The following MARCO variants were observed in gnomAD, a reference collection of about 807,000 sequenced individuals.
The protein encoded by MARCO is macrophage receptor MARCO.
MARCO carries 72 observed loss-of-function variants against 70.0 expected under a neutral mutation model. The ratio of observed to expected loss-of-function variants is 1.03; its 90% CI spans 0.85 to 1.25. The LOEUF (loss-of-function observed/expected upper bound fraction) is 1.25, where lower values mean the gene tolerates loss of function less well. Ranked by LOEUF, MARCO falls within the 50% of genes most tolerant of loss-of-function variation. The pLI is 0.00. For synonymous variants in MARCO, 273 were observed against 243.1 expected, an observed-to-expected ratio of 1.12 and a Z score of -1.14; for missense variants, 696 against 659.3, an observed-to-expected ratio of 1.06 and a Z score of -0.61.
intron 4 of MARCO, among the ~76,000 whole-genome samples, chr2:118,973,607 G>A (rs1680216900): frequency 6.6e-6 from 1 of 152,102 alleles, no homozygotes; most frequent in South Asian, 2.1e-4. Context: ...CTTCCCAGAG[G>A]TTCCTTTGTT....
At chr2:118,948,343 G>A (rs1163750788) in intron 1 of MARCO, among the ~76,000 whole-genome samples, 2 of 152,174 alleles carry the variant, frequency 1.3e-5, no homozygotes, top group South Asian at 4.1e-4. Context: ...ACTGATACCC[G>A]ATTTGCTAAT....
rs150961966 is a variant in MARCO at position 118,970,448 on chromosome 2, G to T, written c.424+110G>T. 853 of 817,884 alleles carry T rather than the reference G, an allele frequency of 1.0e-3. 3 individuals carry two copies. In the African/African-American group the frequency reaches 0.013, roughly 12 times the overall value. 50.7% of individuals were successfully genotyped at this position (817,884 alleles called of 1,614,324 possible). On this transcript the variant is annotated intron_variant, in intron 3 of 16. Transcript: ENST00000327097. Reference sequence around the variant, plus strand: ...TGTCCAAGCAAAGTGTGACCTCCAAGAGCCAGGGACTTAGAGCAACCAGCT... The same window carrying T: ...TGTCCAAGCAAAGTGTGACCTCCAATAGCCAGGGACTTAGAGCAACCAGCT...
intron 4 of MARCO, among the ~76,000 whole-genome samples, chr2:118,973,110 GTA>G (rs1364339588): frequency 1.3e-5 from 2 of 151,132 alleles, no homozygotes; most frequent in African/African-American, 2.4e-5. Flanking sequence ...GAATATAGAT[GTA>G]TGTACATAGA....
chr2:118,993,059 G>C, intron 15 of MARCO, 65 bp from the exon 16 acceptor site: 2 of 1,386,434 alleles, frequency 1.4e-6, no homozygotes, highest in Non-Finnish European at 2.0e-6. Context: ...AAAAGAAAGA[G>C]CCCGCACTTA....
At chr2:118,952,197 CA>C (rs1481781357) in intron 1 of MARCO, among the ~76,000 whole-genome samples, 1 of 152,126 alleles carries the variant, frequency 6.6e-6, no homozygotes, top group Non-Finnish European at 1.5e-5. Flanking sequence ...CCCCTCAAAC[CA>C]GGGATGTCTT....
At chr2:118,969,119 G>T in intron 1 of MARCO, 41 bp from the exon 2 acceptor site, 1 of 1,423,610 alleles carries the variant, frequency 7.0e-7, no homozygotes, top group Non-Finnish European at 9.9e-7. Flanking sequence ...CCTGTGCTGT[G>T]TTCTCTGCAG....
Position 118,942,278 on chromosome 2 carries a change from T to G in MARCO, c.-23T>G. On this transcript the variant is annotated 5_prime_UTR_variant, in exon 1 of 17. Transcript: ENST00000327097. ...GAGCATTTCTGCTGGCTCCAGGACT[T>G]TGGCCATCTATAAAGCTTGGCAATG... is the stretch of plus-strand genomic sequence containing the variant. 6.5e-7 allele frequency: 1 copy of G among 1,536,996 alleles called. No individual in the cohort carries two copies. The highest frequency in any genetic ancestry group is 9.0e-7 in the Non-Finnish European group (1 of 1,110,390).
intron 12 of MARCO, among the ~76,000 whole-genome samples, chr2:118,983,366 A>T (rs1482804580): frequency 6.6e-6 from 1 of 152,146 alleles, no homozygotes; most frequent in East Asian, 1.9e-4. Context: ...TAATCAATTG[A>T]TTGATTCATT....
intron 1 of MARCO, among the ~76,000 whole-genome samples, chr2:118,943,321 A>G (rs778186405): frequency 6.6e-6 from 1 of 152,234 alleles, no homozygotes; most frequent in Non-Finnish European, 1.5e-5. Context: ...GCTAATGGCT[A>G]TAATAATCAT....
chr2:118,992,629 C>G (rs1005405660), intron 15 of MARCO, among the ~76,000 whole-genome samples, 153 bp downstream of exon 15: 1 of 151,934 alleles, frequency 6.6e-6, no homozygotes, highest in African/African-American at 2.4e-5. Flanking sequence ...AGCCTGCCCA[C>G]GGCACAGAGC....
intron 1 of MARCO, among the ~76,000 whole-genome samples, chr2:118,958,440 T>C (rs1260584554): frequency 1.3e-5 from 2 of 148,248 alleles, no homozygotes; most frequent in African/African-American, 2.5e-5. Flanking sequence ...CTTAGGAAGA[T>C]ACCTAACAAA....
In MARCO at chr2:118,977,935, G is replaced by C. The variant is rs1162714669; in HGVS notation, c.766G>C (p.Gly256Arg). Reference sequence around the variant, plus strand: ...AGAGAAAGGAGACCTGGGTCTCCCAGGTGAGGGCCGTATTGGGGGTGTCGG... The same window carrying C: ...AGAGAAAGGAGACCTGGGTCTCCCACGTGAGGGCCGTATTGGGGGTGTCGG... ...KGEKGDLGLP[G>R]SKGDRGMKGD... Residue 256 changes from glycine (G) to arginine (R), a missense_variant and splice_region_variant, in exon 8 of 17, where the codon GGA becomes CGA. Gly to Arg is a moderately radical substitution (Grantham distance 125, BLOSUM62 -2). Transcript: ENST00000327097. 2 of 1,591,964 alleles carry C rather than the reference G, an allele frequency of 1.3e-6. No individual in the cohort carries two copies. The highest frequency in any genetic ancestry group is 1.7e-6 in the Non-Finnish European group (2 of 1,166,192).
At chr2:118,950,888 T>TAGA (rs1404366565) in intron 1 of MARCO, among the ~76,000 whole-genome samples, 1 of 152,174 alleles carries the variant, frequency 6.6e-6, no homozygotes, top group African/African-American at 2.4e-5. Flanking sequence ...GCCACAAGAT[T>TAGA]AGAAGTTAGG....
chr2:118,960,565 T>C (rs546207423), intron 1 of MARCO, among the ~76,000 whole-genome samples: 1 of 152,218 alleles, frequency 6.6e-6, no homozygotes, highest in Non-Finnish European at 1.5e-5. Context: ...ACTAATTTTA[T>C]GGTTTTTCTT....
At chr2:118,970,365 G>C in intron 3 of MARCO, 27 bp downstream of exon 3, 3 of 1,550,090 alleles carry the variant, frequency 1.9e-6, no homozygotes, top group African/African-American at 1.4e-5. Flanking sequence ...TCTGGGTCAG[G>C]ACTTCTCAAC....
Position 118,981,655 on chromosome 2 carries a change from A to G in MARCO, c.900A>G (p.Gln300=). The G allele has an allele frequency of 6.2e-7, 1 of 1,613,922 alleles. No individual in the cohort carries two copies. The highest frequency in any genetic ancestry group is 1.1e-5 in the South Asian group (1 of 91,058). Residue 300 remains glutamine, a splice_region_variant and synonymous_variant, in exon 10 of 17, where the codon CAA becomes CAG. Coordinates refer to ENST00000327097, the MANE Select transcript of MARCO (RefSeq NM_006770.4). ...LAGFPGAKGD[Q]GQPGLQGVPG... is the part of the protein sequence containing the mutation. ...GTTTTCCTGGAGCTAAAGGAGATCA[A>G]GGTAAGAACTACAGGAATCTGGGCA...
Position 118,977,586 on chromosome 2 carries a change from C to T in MARCO, c.658+71C>T. On this transcript the variant is annotated intron_variant, in intron 7 of 16. Transcript: ENST00000327097. The stretch of plus-strand genomic sequence containing the variant: ...GGCACTGAGGCAGTTCCCCCCCACC[C>T]CCCATCCTCTTTCCACAGCCCCACC... 4 of 1,387,914 alleles carry T rather than the reference C, an allele frequency of 2.9e-6. No individual in the cohort carries two copies. In the South Asian group the frequency reaches 4.7e-5, roughly 16 times the overall value. The allele number at this position is 1,387,914 out of a possible 1,614,324, so 86.0% of individuals were successfully genotyped here. A position where few individuals can be genotyped will look rare whatever the true frequency, so the allele number is the denominator to read the frequency against.
intron 1 of MARCO, among the ~76,000 whole-genome samples, chr2:118,951,672 G>T (rs913642044): frequency 6.6e-6 from 1 of 152,200 alleles, no homozygotes; most frequent in Non-Finnish European, 1.5e-5. Context: ...CAACAAGGTG[G>T]TATTGGAGTG....
At chr2:118,978,066 A>G in intron 8 of MARCO, 131 bp downstream of exon 8, 1 of 583,658 alleles carries the variant, frequency 1.7e-6, no homozygotes, top group Non-Finnish European at 3.1e-6. Flanking sequence ...GAATCTCTGG[A>G]GCACCACACA....
Sources: gnomAD v4.1 joint callset for allele counts (sites outside exome capture counted in the v4.1 genomes callset) on GRCh38, gnomAD v4.1.1 for gene constraint, MANE v1.5 for transcripts, NCBI Gene and HGNC (gene_info 2026-07-23, HGNC 2026-07-21) for gene names.